The following GPHN variants were observed in gnomAD, a reference collection of about 807,000 sequenced individuals.
The protein encoded by GPHN is gephyrin.
GPHN carries 17 observed loss-of-function variants against 95.5 expected under a neutral mutation model. That is an observed-to-expected ratio of 0.18 (90% CI 0.12 to 0.27). The LOEUF (loss-of-function observed/expected upper bound fraction) is 0.27, where lower values mean the gene tolerates loss of function less well. GPHN is among the 10% of genes least tolerant of loss of function. GPHN has a pLI of 1.00. For missense variants in GPHN, 660 were observed against 978.1 expected (o/e 0.67, Z 4.34); for synonymous variants, 320 against 322.5 (o/e 0.99, Z 0.08).
chr14:66,528,534 G>A (rs973158492), intron 1 of GPHN, among the ~76,000 whole-genome samples: 1 of 152,202 alleles, frequency 6.6e-6, no homozygotes, highest in African/African-American at 2.4e-5. Context: ...TTGACCGTTA[G>A]TTGATGCAGC....
At chr14:67,553,248 T>C in the GPHN span, among the ~76,000 whole-genome samples, 2 of 152,218 alleles carry the variant, frequency 1.3e-5, no homozygotes, top group Admixed American at 6.5e-5. Flanking sequence ...TAGGTCTCAG[T>C]AGTCCTGCTG....
chr14:66,814,671 C>G (rs368528691), intron 3 of GPHN, among the ~76,000 whole-genome samples: 1 of 152,144 alleles, frequency 6.6e-6, no homozygotes, highest in Non-Finnish European at 1.5e-5. Flanking sequence ...AGGTCAGCAA[C>G]CTCAAAGATT....
intron 1 of GPHN, among the ~76,000 whole-genome samples, chr14:66,550,846 G>GT (rs528936386): frequency 0.019 from 2,940 of 151,228 alleles, 37 homozygotes; most frequent in Middle Eastern, 0.034. Flanking sequence ...TAGCAGTAAG[G>GT]TTTTTTTTTG....
chr14:66,518,959 A>C (rs1390762048), intron 1 of GPHN, among the ~76,000 whole-genome samples: 2 of 152,000 alleles, frequency 1.3e-5, no homozygotes, highest in African/African-American at 4.8e-5. Flanking sequence ...ATATAGTTTC[A>C]AATAGCTAGA....
chr14:66,536,699 T>A (rs779471861), intron 1 of GPHN, among the ~76,000 whole-genome samples: 4 of 152,230 alleles, frequency 2.6e-5, no homozygotes, highest in Admixed American at 6.5e-5. Flanking sequence ...ATTGATAGAT[T>A]CATACACTTC....
At chr14:67,596,457 G>C in the GPHN span, among the ~76,000 whole-genome samples, 1 of 151,826 alleles carries the variant, frequency 6.6e-6, no homozygotes, top group East Asian at 1.9e-4. Context: ...TGATTTAGAA[G>C]ACTGGCACAG....
the GPHN span, among the ~76,000 whole-genome samples, chr14:67,352,128 T>TA: frequency 6.6e-6 from 1 of 151,164 alleles, no homozygotes; most frequent in Non-Finnish European, 1.5e-5. Flanking sequence ...CCACAAAAAA[T>TA]AAAAAAATAA....
At chr14:67,225,974 C>CGT in the GPHN span, among the ~76,000 whole-genome samples, 1 of 116,904 alleles carries the variant, frequency 8.6e-6, no homozygotes, top group Admixed American at 8.8e-5. Context: ...CGCGCGCGCG[C>CGT]GTGCGCATGC....
chr14:66,616,712 C>G (rs186879048), intron 1 of GPHN, among the ~76,000 whole-genome samples: 7 of 152,020 alleles, frequency 4.6e-5, no homozygotes, highest in Admixed American at 2.0e-4. Flanking sequence ...GGAACAGGAC[C>G]CCTTTTTTTT....
At chr14:67,141,829 A>T (rs942036405) in intron 17 of GPHN, among the ~76,000 whole-genome samples, 3 of 152,166 alleles carry the variant, frequency 2.0e-5, no homozygotes, top group Admixed American at 2.0e-4. Context: ...GTTACAAATC[A>T]TGCTATCTTG....
intron 2 of GPHN, among the ~76,000 whole-genome samples, chr14:66,722,087 A>G (rs1238233697): frequency 6.8e-6 from 1 of 147,970 alleles, no homozygotes. Context: ...ATTGTTTATT[A>G]CTTTATTACT....
intron 10 of GPHN, among the ~76,000 whole-genome samples, chr14:67,038,500 T>C (rs1365848017): frequency 6.6e-6 from 1 of 152,128 alleles, no homozygotes; most frequent in Non-Finnish European, 1.5e-5. Context: ...GTTAAGTTAA[T>C]CATTGATCAT....
At chr14:67,586,353 T>C in the GPHN span, 1 of 1,436,862 alleles carries the variant, frequency 7.0e-7, no homozygotes, top group South Asian at 1.2e-5. Context: ...ACTTTTTCTT[T>C]TTTATTCTCT....
intron 17 of GPHN, among the ~76,000 whole-genome samples, chr14:67,127,251 A>G (rs2079382182): frequency 7.4e-6 from 1 of 134,990 alleles, no homozygotes; most frequent in Non-Finnish European, 1.5e-5. Flanking sequence ...CTTAAAGTAT[A>G]ATAAAAAAAA....
chr14:67,526,163 C>T, the GPHN span, among the ~76,000 whole-genome samples: 12 of 152,204 alleles, frequency 7.9e-5, no homozygotes, highest in Non-Finnish European at 1.5e-4. Flanking sequence ...TCTGGAAATG[C>T]GCACTCTCCA....
intron 21 of GPHN, among the ~76,000 whole-genome samples, chr14:67,174,439 C>T (rs1325318246): frequency 6.6e-6 from 1 of 152,140 alleles, no homozygotes; most frequent in East Asian, 1.9e-4. Context: ...CATAGTATTC[C>T]ATGGTGTATA....
At chr14:66,800,563 T>A (rs2060310883) in intron 3 of GPHN, among the ~76,000 whole-genome samples, 1 of 151,578 alleles carries the variant, frequency 6.6e-6, no homozygotes, top group South Asian at 2.1e-4. Flanking sequence ...GGAGCTATAT[T>A]GTATGTTATT....
At chr14:67,037,435 A>G (rs1166287195) in intron 10 of GPHN, among the ~76,000 whole-genome samples, 1 of 152,066 alleles carries the variant, frequency 6.6e-6, no homozygotes, top group African/African-American at 2.4e-5. Flanking sequence ...AACTTATACA[A>G]ATGTAGACAA....
intron 13 of GPHN, among the ~76,000 whole-genome samples, chr14:67,104,523 T>G (rs771157511): frequency 6.6e-6 from 1 of 152,162 alleles, no homozygotes; most frequent in Non-Finnish European, 1.5e-5. Flanking sequence ...TATTACAGAT[T>G]CAGTCTCATT....
Sources: allele counts gnomAD v4.1 joint callset (sites outside exome capture counted in the v4.1 genomes callset), GRCh38; gene constraint gnomAD v4.1.1; transcripts MANE v1.5; gene names NCBI Gene and HGNC (gene_info 2026-07-23, HGNC 2026-07-21).